The following GABRR3 variants were observed in gnomAD, a reference collection of about 807,000 sequenced individuals.
GABRR3 encodes gamma-aminobutyric acid type A receptor subunit rho3.
GABRR3 carries 29 observed loss-of-function variants against 43.2 expected under a neutral mutation model. The observed-to-expected ratio is 0.67, with a 90% CI of 0.50 to 0.92. The LOEUF (loss-of-function observed/expected upper bound fraction) is 0.92. Among genes scored for constraint, GABRR3 ranks in the 40% least tolerant of loss-of-function variants. The pLI, the probability that GABRR3 is intolerant of heterozygous loss-of-function variation, is 0.00. For missense variants in GABRR3, 576 were observed against 572.3 expected (o/e 1.01, Z -0.07); for synonymous variants, 206 against 195.9 (o/e 1.05, Z -0.43).
exon 6 of GABRR3, chr3:98,008,974 A>G: frequency 6.2e-7 from 1 of 1,605,216 alleles, no homozygotes; most frequent in Non-Finnish European, 8.5e-7. Context: ...AGTTCAAGAG[A>G]ACAATTTTGA....
intron 8 of GABRR3, among the ~76,000 whole-genome samples, chr3:97,996,328 G>A (rs184565836): frequency 3.5e-4 from 54 of 152,260 alleles, no homozygotes; most frequent in Admixed American, 3.2e-3. Flanking sequence ...ATTGCTCTAT[G>A]ACCAGAAACT....
At chr3:97,991,289 C>T (rs1034708856) in intron 9 of GABRR3, among the ~76,000 whole-genome samples, 2 of 152,208 alleles carry the variant, frequency 1.3e-5, no homozygotes, top group Non-Finnish European at 2.9e-5. Context: ...CATTGCTATT[C>T]AGTATGGGTA....
At chr3:98,003,415 C>CG (rs1489593873) in intron 7 of GABRR3, among the ~76,000 whole-genome samples, 1 of 109,102 alleles carries the variant, frequency 9.2e-6, no homozygotes, top group Non-Finnish European at 2.0e-5. Context: ...GAACAGTTGT[C>CG]CTTTTTTTTT....
exon 10 of GABRR3, chr3:97,986,845 G>T: frequency 6.2e-7 from 1 of 1,612,606 alleles, no homozygotes; most frequent in Non-Finnish European, 8.5e-7. Context: ...CGGTGCTGGG[G>T]CTGCATATCG....
At chr3:98,003,327 G>T (rs1706677217) in intron 7 of GABRR3, among the ~76,000 whole-genome samples, 1 of 151,470 alleles carries the variant, frequency 6.6e-6, no homozygotes, top group Non-Finnish European at 1.5e-5. Context: ...CAGTATTAAG[G>T]TATATAGTTT....
intron 1 of GABRR3, 86 bp downstream of exon 1, chr3:98,035,104 G>A (rs1302812046): frequency 4.7e-6 from 6 of 1,267,162 alleles, no homozygotes; most frequent in Non-Finnish European, 6.4e-6. Flanking sequence ...AAATGCATTA[G>A]GGGAAAAAGA....
At chr3:98,007,671 C>G in intron 7 of GABRR3, 93 bp downstream of exon 7, 1 of 1,382,572 alleles carries the variant, frequency 7.2e-7, no homozygotes, top group South Asian at 1.2e-5. Context: ...AGGGGACACT[C>G]GCTTGGATTC....
intron 2 of GABRR3, among the ~76,000 whole-genome samples, chr3:98,034,564 T>C (rs1257852296): frequency 6.6e-6 from 1 of 152,166 alleles, no homozygotes; most frequent in Non-Finnish European, 1.5e-5. Context: ...TAGTAATAAA[T>C]GTACTACTAA....
intron 9 of GABRR3, among the ~76,000 whole-genome samples, chr3:97,990,361 T>C (rs1706448600): frequency 6.6e-6 from 1 of 151,862 alleles, no homozygotes; most frequent in Non-Finnish European, 1.5e-5. Context: ...TTTTTTTTTT[T>C]AGACGGAGTC....
chr3:98,004,440 T>C (rs1303633140), intron 7 of GABRR3, among the ~76,000 whole-genome samples: 1 of 152,190 alleles, frequency 6.6e-6, no homozygotes, highest in African/African-American at 2.4e-5. Context: ...GGGTTTGAAC[T>C]TAGGCAGTCT....
chr3:98,012,451 C>G (rs765731678), exon 5 of GABRR3: 19 of 1,613,752 alleles, frequency 1.2e-5, no homozygotes, highest in Non-Finnish European at 1.5e-5. Flanking sequence ...AGATATCAGG[C>G]ACCCAGATCT....
At chr3:98,026,865 A>C (rs1420217603) in intron 2 of GABRR3, among the ~76,000 whole-genome samples, 1 of 152,152 alleles carries the variant, frequency 6.6e-6, no homozygotes, top group Admixed American at 6.5e-5. Context: ...TGCTAAAAGG[A>C]ATACATCTTA....
At chr3:97,989,323 T>C (rs1706431933) in intron 9 of GABRR3, among the ~76,000 whole-genome samples, 2 of 148,058 alleles carry the variant, frequency 1.4e-5, no homozygotes, top group South Asian at 4.3e-4. Context: ...TAAGTGGTGG[T>C]TGGTAGTAAG....
At chr3:97,988,168 T>C (rs1706410770) in intron 9 of GABRR3, among the ~76,000 whole-genome samples, 2 of 152,064 alleles carry the variant, frequency 1.3e-5, no homozygotes, top group African/African-American at 2.4e-5. Flanking sequence ...AAGAGTAATA[T>C]GTCTGTGAAG....
exon 6 of GABRR3, chr3:98,008,979 T>G: frequency 6.2e-7 from 1 of 1,606,434 alleles, no homozygotes; most frequent in Non-Finnish European, 8.5e-7. Flanking sequence ...AAGAGAACAA[T>G]TTTGAGTGTC....
At chr3:98,011,131 G>C (rs1706785441) in intron 5 of GABRR3, among the ~76,000 whole-genome samples, 1 of 151,992 alleles carries the variant, frequency 6.6e-6, no homozygotes, top group Non-Finnish European at 1.5e-5. Flanking sequence ...CCCATTGAAA[G>C]TGATATTTTC....
At chr3:98,025,604 T>C (rs1707003612) in exon 3 of GABRR3, 1 of 1,612,922 alleles carries the variant, frequency 6.2e-7, no homozygotes, top group East Asian at 2.2e-5. Flanking sequence ...CGTTGTCCTC[T>C]ATATGGAGAA....
intron 9 of GABRR3, among the ~76,000 whole-genome samples, chr3:97,989,162 G>T (rs1706428903): frequency 6.6e-6 from 1 of 151,458 alleles, no homozygotes; most frequent in Admixed American, 6.6e-5. Context: ...TGTAGTGGTG[G>T]TTGATGGTGG....
chr3:98,015,711 T>C (rs924032488), intron 4 of GABRR3, among the ~76,000 whole-genome samples: 2 of 152,098 alleles, frequency 1.3e-5, no homozygotes, highest in African/African-American at 4.8e-5. Flanking sequence ...AAGATAGCAA[T>C]TGAGGACAAA....
Sources: gnomAD v4.1 joint callset for allele counts (sites outside exome capture counted in the v4.1 genomes callset) on GRCh38, gnomAD v4.1.1 for gene constraint, MANE v1.5 for transcripts, NCBI Gene and HGNC (gene_info 2026-07-23, HGNC 2026-07-21) for gene names.